The following IFFO2 variants were observed in gnomAD, a reference collection of about 807,000 sequenced individuals.
IFFO2 encodes the protein intermediate filament family orphan 2.
IFFO2 carries 19 observed loss-of-function variants against 53.5 expected under a neutral mutation model. The observed-to-expected ratio is 0.36, with a 90% confidence interval of 0.25 to 0.52. The LOEUF is 0.52. Among genes scored for constraint, IFFO2 ranks in the 20% least tolerant of loss-of-function variants. The pLI is 0.94. For synonymous variants in IFFO2, 303 were observed against 313.6 expected (o/e 0.97, Z 0.36); for missense variants, 570 against 727.4 (o/e 0.78, Z 2.49).
Position 18,956,286 on chromosome 1 carries a change from C to T in IFFO2, c.47G>A (p.Cys16Tyr). The T allele has an allele frequency of 2.2e-5, 15 of 685,260 alleles. No homozygotes were observed. The highest frequency in any genetic ancestry group is 2.8e-5 in the Non-Finnish European group (15 of 530,226). The allele number at this position is 685,260 out of a possible 1,614,324, so 42.4% of individuals were successfully genotyped here. The change falls in exon 1 of 9, where the codon TGC (cysteine) becomes TAC (tyrosine). Residue 16 changes from cysteine to tyrosine, a missense_variant. Coordinates refer to ENST00000455833, the MANE Select transcript of IFFO2 (RefSeq NM_001136265.2). The surrounding 1 kb of genome is among the most constrained non-coding windows in gnomAD (Gnocchi z 6.4). ...GCCCCCGCCGCCGCCGCCCGGCGGG[C>T]AGCCGAAGGCCAAGGCCATCTCCCC... ...LFGEMALAFGCPPGGGGGGCP... is the reference protein window; with the variant it reads ...LFGEMALAFGYPPGGGGGGCP...
chr1:18,911,909 G>A lies in IFFO2; in HGVS notation c.1224+54C>T, dbSNP rs879025665. 54 of 1,542,724 alleles carry A rather than the reference G, an allele frequency of 3.5e-5. 1 individual carries two copies. In the South Asian group the frequency reaches 5.4e-4, roughly 15 times the overall value. On this transcript the variant is annotated intron_variant, in intron 6 of 8. Transcript: ENST00000455833. ...CAGGGATGAGGGACCATTGAAAGGC[G>A]GTGTCCCCCAGACCCCTAGTCCTGG...
intron 7 of IFFO2, among the ~76,000 whole-genome samples, 192 bp downstream of exon 7, chr1:18,911,192 C>T (rs28514949): frequency 0.025 from 3,856 of 152,378 alleles, 52 homozygotes; most frequent in Middle Eastern, 0.061. Flanking sequence ...ATCACCACCC[C>T]CATTTGACAG....
chr1:18,929,717 C>T (rs528555586), intron 1 of IFFO2, among the ~76,000 whole-genome samples: 3 of 152,326 alleles, frequency 2.0e-5, no homozygotes, highest in African/African-American at 7.2e-5. Flanking sequence ...CTCCGGCCCC[C>T]CAGCCACACA....
chr1:18,934,057 C>CTCTTTTTTTTT (rs1936413920), intron 1 of IFFO2, among the ~76,000 whole-genome samples: 1 of 70,330 alleles, frequency 1.4e-5, no homozygotes, highest in Non-Finnish European at 2.5e-5. Context: ...TCTCTTATTT[C>CTCTTTTTTTTT]TTTTTTTTTT....
At position 18,956,149 on chromosome 1, in the gene IFFO2, C is replaced by A; in HGVS notation, c.184G>T (p.Val62Leu). The change falls in exon 1 of 9, where the codon GTG (valine) becomes TTG (leucine). Residue 62 changes from valine (V) to leucine (L), a missense_variant. Transcript: ENST00000455833. The surrounding 1 kb of genome is among the most constrained non-coding windows in gnomAD (Gnocchi z 6.4). ...SNIHLLKGLN[V>L]RFRCFLAKVH... ...TTAGCCAGGAAGCAGCGGAAGCGCACGTTGAGCCCCTTCAAGAGGTGGATG... is the reference window on the plus strand; with the variant it reads ...TTAGCCAGGAAGCAGCGGAAGCGCAAGTTGAGCCCCTTCAAGAGGTGGATG... 6.7e-7 allele frequency: 1 copy of A among 1,495,822 alleles called. No individual in the cohort carries two copies. The highest frequency in any genetic ancestry group is 1.2e-5 in the South Asian group (1 of 81,940). 92.7% of individuals were successfully genotyped at this position (1,495,822 alleles called of 1,614,324 possible). A position where few individuals can be genotyped will look rare whatever the true frequency, so the allele number is the denominator to read the frequency against.
rs58957999 is a variant in IFFO2, at chr1:18,922,407, A to C, written c.666-1286T>G. Among the ~76,000 whole-genome samples, 6 of 152,142 alleles carry C rather than the reference A, an allele frequency of 3.9e-5. No homozygotes were observed. In the South Asian group the frequency reaches 1.2e-3, roughly 32 times the overall value. On this transcript the variant is annotated intron_variant, in intron 1 of 8. Transcript: ENST00000455833. ...TCTGGAACCCTTTTAGGATGCTGTC[A>C]GGGCCAGCTAAAAATAGGCCAGAGG...
chr1:18,913,686 C>T (rs1048501161), intron 5 of IFFO2, among the ~76,000 whole-genome samples: 1 of 152,198 alleles, frequency 6.6e-6, no homozygotes, highest in East Asian at 1.9e-4. Context: ...GGGTCCTGCC[C>T]ACAGCTGGTG....
Position 18,907,370 on chromosome 1 carries a change from G to C in IFFO2, c.*1191C>G, listed in dbSNP as rs929957322. On this transcript the variant is annotated 3_prime_UTR_variant, in exon 9 of 9. Transcript: ENST00000455833. ...GCTTGCGTGTGTCGAGGAGCAGAAA[G>C]AGGATGGCCCTCACTCCAGCTCCTG... The C allele has an allele frequency of 3.9e-5, 6 of 152,318 alleles. No homozygotes were observed. Among genetic ancestry groups the C allele is most frequent in the African/African-American group, 9.7e-5 (4 of 41,444 alleles). 9.4% of individuals were successfully genotyped at this position (152,318 alleles called of 1,614,324 possible).
intron 5 of IFFO2, among the ~76,000 whole-genome samples, chr1:18,915,714 C>T (rs962554599): frequency 6.6e-6 from 1 of 152,164 alleles, no homozygotes; most frequent in East Asian, 1.9e-4. Context: ...AGCAAAGTGA[C>T]ATTTGTGAAG....
chr1:18,950,646 C>T (rs975664534), intron 1 of IFFO2, among the ~76,000 whole-genome samples: 2 of 152,196 alleles, frequency 1.3e-5, no homozygotes, highest in Admixed American at 6.5e-5. Context: ...TCAGAAATAA[C>T]GAAAGTGTCA....
chr1:18,917,118 A>G lies in IFFO2; in HGVS notation c.964-76T>C. 6.8e-7 allele frequency: 1 copy of G among 1,478,952 alleles called. No individual in the cohort carries two copies. Among genetic ancestry groups the G allele is most frequent in the Non-Finnish European group, 9.1e-7 (1 of 1,094,138 alleles). 91.6% of individuals were successfully genotyped at this position (1,478,952 alleles called of 1,614,324 possible). A position where few individuals can be genotyped will look rare whatever the true frequency, so the allele number is the denominator to read the frequency against. ...GAAGGTAGGGGTGAACTGGGAAGGGAGCCGGCATCTCACAGGATGATGAGC... is the reference window on the plus strand; with the variant it reads ...GAAGGTAGGGGTGAACTGGGAAGGGGGCCGGCATCTCACAGGATGATGAGC... On this transcript the variant is annotated intron_variant, in intron 4 of 8. Coordinates refer to ENST00000455833, the MANE Select transcript of IFFO2 (RefSeq NM_001136265.2). The surrounding 1 kb of genome is among the most constrained non-coding windows in gnomAD (Gnocchi z 5.9).
chr1:18,917,960 T>A lies in IFFO2; in HGVS notation c.963+402A>T, dbSNP rs1231608325. 3.3e-5 allele frequency among the ~76,000 whole-genome samples: 5 copies of A among 152,138 alleles called. No individual in the cohort carries two copies. The highest frequency in any genetic ancestry group is 7.4e-5 in the Non-Finnish European group (5 of 68,008). Reference sequence around the variant, plus strand: ...AGGCCAGCTCCCCCACTTCTCCCCATAACCTGGCCAGGGTTCCCCAACCGT... The same window carrying A: ...AGGCCAGCTCCCCCACTTCTCCCCAAAACCTGGCCAGGGTTCCCCAACCGT... On this transcript the variant is annotated intron_variant, in intron 4 of 8. Transcript: ENST00000455833. The surrounding 1 kb of genome is among the most constrained non-coding windows in gnomAD (Gnocchi z 5.9).
chr1:18,931,287 C>T (rs1399474600), intron 1 of IFFO2, among the ~76,000 whole-genome samples: 2 of 152,216 alleles, frequency 1.3e-5, no homozygotes, highest in South Asian at 2.1e-4. Context: ...ACTACACCCA[C>T]GTGGGCACTC....
At chr1:18,929,668 G>GCCA (rs2148177092) in intron 1 of IFFO2, among the ~76,000 whole-genome samples, 1 of 44,214 alleles carries the variant, frequency 2.3e-5, no homozygotes, top group Non-Finnish European at 4.7e-5. Context: ...CTTGAGAGGT[G>GCCA]AGAGGTGAGT....
chr1:18,915,356 G>A (rs1163144860), intron 5 of IFFO2, among the ~76,000 whole-genome samples: 4 of 134,998 alleles, frequency 3.0e-5, no homozygotes, highest in African/African-American at 1.1e-4. Context: ...TCCGGGAGGT[G>A]GCAGAGCCTC....
At position 18,956,084 on chromosome 1, in the gene IFFO2, C is replaced by T. The variant is rs768848625; in HGVS notation, c.249G>A (p.Lys83=). The change falls in exon 1 of 9, where the codon AAG becomes AAA. Residue 83 remains lysine, a synonymous_variant. Coordinates refer to ENST00000455833, the MANE Select transcript of IFFO2 (RefSeq NM_001136265.2). This position sits in a 1 kb window ranked among gnomAD's most constrained non-coding sequence, Gnocchi z 6.4. Reference sequence around the variant, plus strand: ...GCTCGCTCTGCTGCTGCTCCAGCTGCTTCTCCAGCAGCCGGTTGCGCCGCT... The same window carrying T: ...GCTCGCTCTGCTGCTGCTCCAGCTGTTTCTCCAGCAGCCGGTTGCGCCGCT... ...ELERRNRLLE[K]QLEQQQSERE... 6.6e-6 allele frequency: 10 copies of T among 1,504,086 alleles called. No homozygotes were observed. The South Asian group carries it at 1.1e-4, about 16-fold the overall frequency. 93.2% of individuals were successfully genotyped at this position (1,504,086 alleles called of 1,614,324 possible).
chr1:18,940,566 T>A (rs1189805423), intron 1 of IFFO2, among the ~76,000 whole-genome samples: 1 of 69,250 alleles, frequency 1.4e-5, no homozygotes, highest in Non-Finnish European at 2.8e-5. Context: ...GACAAACGGA[T>A]GGATGGATGG....
intron 1 of IFFO2, among the ~76,000 whole-genome samples, chr1:18,952,857 A>G (rs1460520490): frequency 6.6e-6 from 1 of 152,252 alleles, no homozygotes; most frequent in Non-Finnish European, 1.5e-5. Context: ...TGCAAGTTGT[A>G]CCTCAATGAA....
rs1458598412 is a variant in IFFO2 at position 18,904,466 on chromosome 1, G to C, written c.*4095C>G. Reference sequence around the variant, plus strand: ...GCAGACAACAGCAACGGTGGGGCAGGATCATGGGGTATAAAGTCTCCCTGG... The same window carrying C: ...GCAGACAACAGCAACGGTGGGGCAGCATCATGGGGTATAAAGTCTCCCTGG... On this transcript the variant is annotated 3_prime_UTR_variant, in exon 9 of 9. Transcript: ENST00000455833. The C allele has an allele frequency of 6.6e-6, 1 of 152,196 alleles. No individual in the cohort carries two copies. The highest frequency in any genetic ancestry group is 2.4e-5 in the African/African-American group (1 of 41,438). 9.4% of individuals were successfully genotyped at this position (152,196 alleles called of 1,614,324 possible).
Sources: allele counts gnomAD v4.1 joint callset (sites outside exome capture counted in the v4.1 genomes callset), GRCh38; gene constraint gnomAD v4.1.1; non-coding constraint Gnocchi (gnomAD v3.1); transcripts MANE v1.5; gene names NCBI Gene and HGNC (gene_info 2026-07-23, HGNC 2026-07-21).